The following TENM2 variants were observed in gnomAD, a reference collection of about 807,000 sequenced individuals.
The protein encoded by TENM2 is teneurin-2.
In TENM2, 52 loss-of-function variants were observed where a neutral mutation model predicts 245.2. The observed-to-expected ratio is 0.21, with a 90% CI of 0.17 to 0.27. The LOEUF (loss-of-function observed/expected upper bound fraction) is 0.27. Among genes scored for constraint, TENM2 ranks in the 10% least tolerant of loss-of-function variants. The pLI is 1.00. For missense variants in TENM2, 3,046 were observed against 3,666.8 expected (o/e 0.83, Z 4.37); for synonymous variants, 1,363 against 1,438.9 (o/e 0.95, Z 1.19).
chr5:167,569,942 G>A (rs1393216691), intron 2 of TENM2, among the ~76,000 whole-genome samples: 2 of 152,126 alleles, frequency 1.3e-5, no homozygotes, highest in Non-Finnish European at 2.9e-5. Flanking sequence ...AGAGCACTGT[G>A]ATAGCTATGG....
intron 6 of TENM2, among the ~76,000 whole-genome samples, chr5:168,060,223 C>T (rs1163478309): frequency 6.9e-6 from 1 of 144,540 alleles, no homozygotes; most frequent in Non-Finnish European, 1.5e-5. Flanking sequence ...CACCTTGTCT[C>T]TACGAAAAAA....
At chr5:167,052,478 G>A in the TENM2 span, among the ~76,000 whole-genome samples, 3 of 152,054 alleles carry the variant, frequency 2.0e-5, no homozygotes, top group African/African-American at 4.8e-5. Flanking sequence ...GAGAGGATCT[G>A]GTAGTACTTT....
intron 3 of TENM2, among the ~76,000 whole-genome samples, chr5:167,895,547 A>G (rs1775149280): frequency 6.6e-6 from 1 of 152,252 alleles, no homozygotes; most frequent in Non-Finnish European, 1.5e-5. Flanking sequence ...ACTGCTATGT[A>G]CTACTTCGCA....
At chr5:167,551,245 A>G (rs1214755361) in intron 2 of TENM2, among the ~76,000 whole-genome samples, 1 of 152,216 alleles carries the variant, frequency 6.6e-6, no homozygotes, top group African/African-American at 2.4e-5. Context: ...AGTGTTGACT[A>G]TGTGTCAGGC....
intron 2 of TENM2, among the ~76,000 whole-genome samples, chr5:167,630,865 C>T (rs549835940): frequency 3.5e-4 from 53 of 152,216 alleles, no homozygotes; most frequent in Non-Finnish European, 6.9e-4. Context: ...GGGAAATTGT[C>T]ACCTGAGGCA....
At chr5:167,316,135 T>C (rs183554101) in intron 1 of TENM2, among the ~76,000 whole-genome samples, 198 of 152,324 alleles carry the variant, frequency 1.3e-3, no homozygotes, top group Middle Eastern at 6.8e-3. Flanking sequence ...GATCTAAGAT[T>C]TGCTTATTTG....
the TENM2 span, among the ~76,000 whole-genome samples, chr5:167,157,241 G>A: frequency 6.6e-6 from 1 of 152,118 alleles, no homozygotes; most frequent in African/African-American, 2.4e-5. Context: ...GCCCCTCCTT[G>A]ATGAAGATGA....
chr5:167,399,485 C>G (rs1171708864), intron 2 of TENM2, among the ~76,000 whole-genome samples: 1 of 152,112 alleles, frequency 6.6e-6, no homozygotes, highest in African/African-American at 2.4e-5. Flanking sequence ...ACTAGAAATA[C>G]AAAGATAAAT....
intron 3 of TENM2, among the ~76,000 whole-genome samples, chr5:167,879,932 G>A (rs559679201): frequency 1.3e-5 from 2 of 152,272 alleles, no homozygotes; most frequent in African/African-American, 4.8e-5. Flanking sequence ...GGGTTGCCTA[G>A]GATCAATAAG....
intron 2 of TENM2, among the ~76,000 whole-genome samples, chr5:167,742,583 T>A (rs1219225923): frequency 2.0e-5 from 3 of 152,034 alleles, no homozygotes; most frequent in Non-Finnish European, 2.9e-5. Flanking sequence ...TTGAGTAAAC[T>A]AGGGAAGAGG....
rs554894368 is a variant in TENM2, at chr5:167,684,301, C to A, written c.503-191685C>A. Among the ~76,000 whole-genome samples, 30 of 152,290 alleles carry A rather than the reference C, an allele frequency of 2.0e-4. No individual in the cohort carries two copies. In the South Asian group the frequency reaches 6.2e-3, roughly 32 times the overall value. Reference sequence around the variant, plus strand: ...CTTATGTGGGTGAGCACAGGGGTAGCCTTTGTCTCACATAAGCACAAAGCA... The same window carrying A: ...CTTATGTGGGTGAGCACAGGGGTAGACTTTGTCTCACATAAGCACAAAGCA... On this transcript the variant is annotated intron_variant, in intron 2 of 28. Transcript: ENST00000518659.
intron 1 of TENM2, among the ~76,000 whole-genome samples, chr5:167,308,353 C>A (rs1057421682): frequency 4.6e-5 from 7 of 152,194 alleles, no homozygotes; most frequent in Non-Finnish European, 7.3e-5. Flanking sequence ...AAAGTTCCTA[C>A]ACCCAGTATT....
At chr5:167,951,661 A>C (rs576253550) in intron 3 of TENM2, among the ~76,000 whole-genome samples, 1 of 152,008 alleles carries the variant, frequency 6.6e-6, no homozygotes, top group South Asian at 2.1e-4. Flanking sequence ...TCATGGCTTG[A>C]AAACATCTGC....
chr5:167,571,168 C>G (rs1484514898), intron 2 of TENM2, among the ~76,000 whole-genome samples: 1 of 152,146 alleles, frequency 6.6e-6, no homozygotes, highest in African/African-American at 2.4e-5. Context: ...TTTACTGATG[C>G]ACTTGCTATG....
chr5:167,427,939 G>GGGAAGGAA (rs1338594705), intron 2 of TENM2, among the ~76,000 whole-genome samples: 1 of 151,030 alleles, frequency 6.6e-6, no homozygotes, highest in Non-Finnish European at 1.5e-5. Context: ...CGGGAAGGAA[G>GGGAAGGAA]GGAAGGAAGG....
rs1036970496 is a variant in TENM2 at position 167,512,524 on chromosome 5, T to C, written c.502+137051T>C. ...AGGGATGTAGTGGAATCTTTTGCTG[T>C]AATGAATTTATAGCATGGTGCTATC... On this transcript the variant is annotated intron_variant, in intron 2 of 28. Coordinates refer to ENST00000518659, the Ensembl canonical transcript of TENM2. 4.6e-5 allele frequency among the ~76,000 whole-genome samples: 7 copies of C among 152,238 alleles called. No homozygotes were observed. In the South Asian group the frequency reaches 6.2e-4, roughly 13 times the overall value.
chr5:168,009,422 AGGGTGAGAT>A (rs1265199735), intron 5 of TENM2, among the ~76,000 whole-genome samples: 1 of 152,208 alleles, frequency 6.6e-6, no homozygotes, highest in Admixed American at 6.5e-5. Flanking sequence ...ACCAGGCTGA[AGGGTGAGAT>A]GGATGAAGTT....
chr5:167,223,074 AT>A, the TENM2 span, among the ~76,000 whole-genome samples: 1 of 152,090 alleles, frequency 6.6e-6, no homozygotes, highest in South Asian at 2.1e-4. Flanking sequence ...TTACATATTC[AT>A]GGGGTGCTTG....
At chr5:168,065,619 A>C (rs1790426643) in intron 7 of TENM2, among the ~76,000 whole-genome samples, 1 of 152,030 alleles carries the variant, frequency 6.6e-6, no homozygotes, top group Admixed American at 6.5e-5. Context: ...TTATACAAAT[A>C]TAGATTTTTT....
Sources: gnomAD v4.1 joint callset for allele counts (sites outside exome capture counted in the v4.1 genomes callset) on GRCh38, gnomAD v4.1.1 for gene constraint, MANE v1.5 for transcripts, NCBI Gene and HGNC (gene_info 2026-07-23, HGNC 2026-07-21) for gene names.